The following PCDHGA4 variants were observed in gnomAD, a reference collection of about 807,000 sequenced individuals.
PCDHGA4 encodes protocadherin gamma-A4.
Under a neutral mutation model 54.6 loss-of-function variants are expected in PCDHGA4, and 38 were observed. That is an observed-to-expected ratio of 0.70 (90% CI 0.54 to 0.91). The LOEUF (loss-of-function observed/expected upper bound fraction) is 0.91, where lower values mean the gene tolerates loss of function less well. PCDHGA4 is among the 40% of genes least tolerant of loss of function. PCDHGA4 has a pLI of 0.00. For missense variants in PCDHGA4, 1,298 were observed against 1,220.9 expected (o/e 1.06, Z -0.94); for synonymous variants, 511 against 512.9 (o/e 1.00, Z 0.05).
intron 1 of PCDHGA4, chr5:141,389,075 A>T: frequency 6.2e-7 from 1 of 1,614,066 alleles, no homozygotes; most frequent in Non-Finnish European, 8.5e-7. Context: ...CTTCTTCAAG[A>T]AACACGTATA....
At chr5:141,455,430 G>C (rs190218223) in intron 1 of PCDHGA4, among the ~76,000 whole-genome samples, 1 of 152,274 alleles carries the variant, frequency 6.6e-6, no homozygotes, top group Admixed American at 6.5e-5. Flanking sequence ...CTCCAAAAGA[G>C]GAGGTCCCCA....
chr5:141,414,862 G>A (rs763491057), intron 1 of PCDHGA4: 1 of 1,614,226 alleles, frequency 6.2e-7, no homozygotes, highest in Non-Finnish European at 8.5e-7. Context: ...GAACGACAAT[G>A]CGCCCGAGAT....
At chr5:141,380,721 T>C (rs1228432392) in intron 1 of PCDHGA4, among the ~76,000 whole-genome samples, 3 of 152,238 alleles carry the variant, frequency 2.0e-5, no homozygotes, top group Non-Finnish European at 4.4e-5. Flanking sequence ...TAACTAGCTC[T>C]TATTTCCTTT....
At position 141,375,817 on chromosome 5, in the gene PCDHGA4, G is replaced by T. The variant is rs376557886; in HGVS notation, c.2514+18196G>T. 8 of 1,614,164 alleles carry T rather than the reference G, an allele frequency of 5.0e-6. No homozygotes were observed. In the African/African-American group the frequency reaches 9.3e-5, roughly 19 times the overall value. ...ACGGTTCCACTGGCGTGGAGCTGGC[G>T]CCCCGCTCCGCAGAGCCCGGCTACC... On this transcript the variant is annotated intron_variant, in intron 1 of 3. Coordinates refer to ENST00000571252, the MANE Select transcript of PCDHGA4 (RefSeq NM_018917.4).
At chr5:141,466,583 C>T (rs2099125595) in intron 1 of PCDHGA4, among the ~76,000 whole-genome samples, 1 of 152,184 alleles carries the variant, frequency 6.6e-6, no homozygotes, top group Admixed American at 6.6e-5. Flanking sequence ...CTCATCCCTT[C>T]TTAAAACAAG....
intron 1 of PCDHGA4, among the ~76,000 whole-genome samples, chr5:141,358,666 A>C (rs938947176): frequency 6.6e-6 from 1 of 152,134 alleles, no homozygotes; most frequent in Non-Finnish European, 1.5e-5. Context: ...AACTTTAATA[A>C]TTTTTAAATT....
At chr5:141,410,631 C>A (rs1227907799) in intron 1 of PCDHGA4, 1 of 1,600,936 alleles carries the variant, frequency 6.2e-7, no homozygotes, top group East Asian at 2.2e-5. Context: ...GTGAGTTTCT[C>A]TTTTTTGTGT....
At chr5:141,508,162 G>A (rs377676571) in intron 3 of PCDHGA4, 4 of 152,502 alleles carry the variant, frequency 2.6e-5, no homozygotes, top group African/African-American at 9.7e-5. Context: ...CCTGAGTAGA[G>A]GCTGGCACAG....
At chr5:141,414,223 G>C in intron 1 of PCDHGA4, 1 of 1,613,426 alleles carries the variant, frequency 6.2e-7, no homozygotes, top group Non-Finnish European at 8.5e-7. Flanking sequence ...CAACAGTCCA[G>C]AGCTGACCAT....
intron 1 of PCDHGA4, among the ~76,000 whole-genome samples, chr5:141,434,479 A>C (rs2097696849): frequency 6.6e-6 from 1 of 152,202 alleles, no homozygotes; most frequent in African/African-American, 2.4e-5. Flanking sequence ...AGGGCAAGGA[A>C]CACCTGGCCC....
At chr5:141,374,759 G>A (rs761534482) in intron 1 of PCDHGA4, 1 of 1,613,112 alleles carries the variant, frequency 6.2e-7, no homozygotes, top group Non-Finnish European at 8.5e-7. Flanking sequence ...CTCAAGCGTC[G>A]CCCAAATTCT....
At chr5:141,468,487 G>A (rs945439990) in intron 1 of PCDHGA4, 6 of 152,110 alleles carry the variant, frequency 3.9e-5, no homozygotes, top group African/African-American at 1.4e-4. Context: ...TAGGTCTCAT[G>A]GAAGATTTTC....
At chr5:141,405,179 G>A (rs2094620573) in intron 1 of PCDHGA4, 1 of 1,614,028 alleles carries the variant, frequency 6.2e-7, no homozygotes, top group South Asian at 1.1e-5. Context: ...CTTTGTGGGT[G>A]TAGATGGGGT....
chr5:141,409,828 C>T (rs2154542180), intron 1 of PCDHGA4: 1 of 1,611,128 alleles, frequency 6.2e-7, no homozygotes, highest in Non-Finnish European at 8.5e-7. Flanking sequence ...CGCCCACGCT[C>T]AGCGCCAACG....
intron 1 of PCDHGA4, chr5:141,423,720 A>T: frequency 3.1e-6 from 3 of 957,770 alleles, no homozygotes; most frequent in Admixed American, 5.5e-5. Context: ...TTTTAAGGAG[A>T]TGTTTTTTGA....
At chr5:141,430,811 A>T in intron 1 of PCDHGA4, 1 of 1,527,400 alleles carries the variant, frequency 6.5e-7, no homozygotes, top group Non-Finnish European at 8.8e-7. Context: ...CCTGCTGGGA[A>T]TCCTCCTGGG....
intron 1 of PCDHGA4, chr5:141,375,208 C>T: frequency 1.2e-6 from 2 of 1,613,958 alleles, no homozygotes; most frequent in Non-Finnish European, 8.5e-7. Flanking sequence ...TCGATCGAGA[C>T]TCTGGCCTGA....
chr5:141,404,909 C>CCT, intron 1 of PCDHGA4: 1 of 1,613,916 alleles, frequency 6.2e-7, no homozygotes, highest in Non-Finnish European at 8.5e-7. Context: ...TGGCCAGCCC[C>CCT]CTCTCTCGGC....
chr5:141,509,060 T>G (rs2099874519), intron 3 of PCDHGA4, among the ~76,000 whole-genome samples: 1 of 152,216 alleles, frequency 6.6e-6, no homozygotes, highest in Middle Eastern at 3.4e-3. Flanking sequence ...CAGAAAGCTC[T>G]CAGCTCCGGG....
Sources: allele counts gnomAD v4.1 joint callset (sites outside exome capture counted in the v4.1 genomes callset), GRCh38; gene constraint gnomAD v4.1.1; transcripts MANE v1.5; gene names NCBI Gene and HGNC (gene_info 2026-07-23, HGNC 2026-07-21).